SEC24A: variants seen among roughly 807,000 people sequenced by gnomAD.
SEC24A encodes the protein SEC24 homolog A, COPII component.
SEC24A carries 93 observed loss-of-function variants against 129.4 expected under a neutral mutation model. That is an observed-to-expected ratio of 0.72 (90% CI 0.61 to 0.85). The LOEUF is 0.85. SEC24A is among the 40% of genes least tolerant of loss of function. The pLI is 0.00. For synonymous variants in SEC24A, 460 were observed against 467.3 expected (o/e 0.98, Z 0.20); for missense variants, 1,264 against 1,307.4 (o/e 0.97, Z 0.51).
intron 1 of SEC24A, among the ~76,000 whole-genome samples, chr5:134,650,240 T>A (rs776321795): frequency 3.3e-5 from 5 of 152,218 alleles, no homozygotes; most frequent in Non-Finnish European, 7.3e-5. Flanking sequence ...TAACCATTCT[T>A]TCTCAAAATT....
At chr5:134,696,131 A>T (rs959486810) in intron 13 of SEC24A, among the ~76,000 whole-genome samples, 1 of 145,646 alleles carries the variant, frequency 6.9e-6, no homozygotes, top group Admixed American at 6.9e-5. Context: ...TTAGCTGGGC[A>T]TGGTGGTGCA....
chr5:134,667,653 CAA>C (rs1203841096), intron 3 of SEC24A, among the ~76,000 whole-genome samples: 1 of 41,082 alleles, frequency 2.4e-5, no homozygotes. Flanking sequence ...GACTCCGTCT[CAA>C]AAAAAAAAAA....
chr5:134,650,552 T>G (rs980006773), intron 1 of SEC24A, among the ~76,000 whole-genome samples: 1 of 151,520 alleles, frequency 6.6e-6, no homozygotes, highest in Non-Finnish European at 1.5e-5. Context: ...TTTTTTTTTT[T>G]GAGATGGAGT....
chr5:134,684,186 C>T (rs1376316394), intron 9 of SEC24A, among the ~76,000 whole-genome samples: 2 of 151,494 alleles, frequency 1.3e-5, no homozygotes, highest in Admixed American at 1.3e-4. Context: ...GCCTGTAATC[C>T]CAGCTACTTG....
intron 18 of SEC24A, among the ~76,000 whole-genome samples, chr5:134,711,122 C>T (rs913895412): frequency 5.3e-5 from 8 of 151,800 alleles, no homozygotes; most frequent in Non-Finnish European, 1.2e-4. Context: ...GGTGACAAAG[C>T]GAGACTCCTT....
At chr5:134,670,328 A>G (rs1454579619) in intron 3 of SEC24A, among the ~76,000 whole-genome samples, 1 of 152,206 alleles carries the variant, frequency 6.6e-6, no homozygotes, top group East Asian at 1.9e-4. Context: ...GGCTAAAATC[A>G]TGTTGGTCTT....
intron 5 of SEC24A, 34 bp from the exon 6 acceptor site, chr5:134,675,011 A>C (rs776227837): frequency 6.6e-7 from 1 of 1,511,442 alleles, no homozygotes; most frequent in Admixed American, 2.1e-5. Context: ...CACACTTAAT[A>C]AAAGTTACTT....
At chr5:134,699,745 G>T (rs1329406259) in intron 15 of SEC24A, among the ~76,000 whole-genome samples, 2 of 147,342 alleles carry the variant, frequency 1.4e-5, no homozygotes, top group Admixed American at 6.8e-5. Context: ...TCTCGCCCAG[G>T]CTGGAGTATA....
At chr5:134,697,364 A>G (rs1310974774) in intron 14 of SEC24A, 118 bp downstream of exon 14, 3 of 817,532 alleles carry the variant, frequency 3.7e-6, no homozygotes, top group Non-Finnish European at 5.7e-6. Flanking sequence ...GGGAAAGTTA[A>G]TCAGTCAGTT....
At chr5:134,655,085 C>T (rs1314538695) in intron 1 of SEC24A, among the ~76,000 whole-genome samples, 1 of 152,106 alleles carries the variant, frequency 6.6e-6, no homozygotes, top group East Asian at 1.9e-4. Flanking sequence ...AGGTGATCTG[C>T]CCGCCTGAGC....
At chr5:134,696,096 G>A (rs1199165025) in intron 13 of SEC24A, among the ~76,000 whole-genome samples, 4 of 151,178 alleles carry the variant, frequency 2.6e-5, no homozygotes, top group African/African-American at 7.3e-5. Flanking sequence ...ATGAAATCCC[G>A]TCTCTACTAA....
chr5:134,726,043 A>C lies in SEC24A; in HGVS notation c.*949A>C, dbSNP rs1561837507. On this transcript the variant is annotated 3_prime_UTR_variant, in exon 23 of 23. Coordinates refer to ENST00000398844, the MANE Select transcript of SEC24A (RefSeq NM_021982.3). Reference sequence around the variant, plus strand: ...ATTTTTCTAAGGAGTTTAATTGTTAAATTGGAAGTCATTCATAAGAAATAT... The same window carrying C: ...ATTTTTCTAAGGAGTTTAATTGTTACATTGGAAGTCATTCATAAGAAATAT... 6.6e-6 allele frequency: 1 copy of C among 152,526 alleles called. No homozygotes were observed. Among genetic ancestry groups the C allele is most frequent in the Admixed American group, 6.5e-5 (1 of 15,272 alleles). The allele number at this position is 152,526 out of a possible 1,614,324, so 9.4% of individuals were successfully genotyped here.
At chr5:134,666,780 C>CACA in intron 2 of SEC24A, 43 bp from the exon 3 acceptor site, 1 of 1,579,224 alleles carries the variant, frequency 6.3e-7, no homozygotes, top group Non-Finnish European at 8.7e-7. Context: ...TGGCCATAGT[C>CACA]TTGAGTTCTC....
intron 14 of SEC24A, 45 bp downstream of exon 14, chr5:134,697,291 A>G (rs1561823281): frequency 6.6e-7 from 1 of 1,515,024 alleles, no homozygotes; most frequent in East Asian, 2.3e-5. Flanking sequence ...AATGAATATC[A>G]AAATGGTCCT....
At chr5:134,653,671 C>T (rs1315889734) in intron 1 of SEC24A, among the ~76,000 whole-genome samples, 1 of 151,190 alleles carries the variant, frequency 6.6e-6, no homozygotes, top group African/African-American at 2.4e-5. Context: ...TCAAGACCAC[C>T]CTCGGCAACA....
rs1580719218 is a variant in SEC24A, at chr5:134,693,200, G to A, written c.1780-527G>A. ...TTTAACTAGCAAGTCTATGGTCTCT[G>A]CTGTTGGCAATGGTGACTGTGCCAT... On this transcript the variant is annotated intron_variant, in intron 12 of 22. Transcript: ENST00000398844. 7 of 1,524,138 alleles carry A rather than the reference G, an allele frequency of 4.6e-6. No individual in the cohort carries two copies. The East Asian group carries it at 1.5e-4, about 32-fold the overall frequency. 94.4% of individuals were successfully genotyped at this position (1,524,138 alleles called of 1,614,324 possible). A position where few individuals can be genotyped will look rare whatever the true frequency, so the allele number is the denominator to read the frequency against.
rs1752614707 is a variant in SEC24A, at chr5:134,721,076, A to G, written c.3049A>G (p.Ile1017Val). The change falls in exon 21 of 23, where the codon ATT becomes GTT. Residue 1017 changes from isoleucine (I) to valine (V), a missense_variant. Physicochemically the swap from Ile to Val is conservative, Grantham distance 29. Transcript: ENST00000398844. ...TCTAGGAGTTCAAAACTATGCATCA[A>G]TTCCACAGCCTATGGTAAGACTCTT... ...QVLGVQNYASIPQPMTDLPEL... is the reference protein window; with the variant it reads ...QVLGVQNYASVPQPMTDLPEL... 1 of 1,605,178 alleles carries G rather than the reference A, an allele frequency of 6.2e-7. No homozygotes were observed. Among genetic ancestry groups the G allele is most frequent in the African/African-American group, 1.3e-5 (1 of 74,734 alleles).
chr5:134,693,798 T>C lies in SEC24A; in HGVS notation c.1851T>C (p.Gly617=). ...TKTLETQSAL[G]PALQAAFKLM... The stretch of plus-strand genomic sequence containing the variant: ...CTCTGGAGACCCAGAGTGCCTTGGG[T>C]CCTGCACTGCAGGCTGCCTTTAAGC... The change falls in exon 13 of 23, where the codon GGT becomes GGC. Residue 617 remains glycine, a synonymous_variant. Transcript: ENST00000398844. 1 of 1,614,208 alleles carries C rather than the reference T, an allele frequency of 6.2e-7. No individual in the cohort carries two copies. Among genetic ancestry groups the C allele is most frequent in the South Asian group, 1.1e-5 (1 of 91,086 alleles).
At chr5:134,707,373 AGGGTGGAGTG>A (rs1752196226) in intron 17 of SEC24A, among the ~76,000 whole-genome samples, 1 of 151,506 alleles carries the variant, frequency 6.6e-6, no homozygotes, top group Admixed American at 6.6e-5. Context: ...TCTATCGCCC[AGGGTGGAGTG>A]CAGTGGCGTG....
Sources: gnomAD v4.1 joint callset for allele counts (sites outside exome capture counted in the v4.1 genomes callset) on GRCh38, gnomAD v4.1.1 for gene constraint, MANE v1.5 for transcripts, NCBI Gene and HGNC (gene_info 2026-07-23, HGNC 2026-07-21) for gene names.